The following ZNF385B variants were observed in gnomAD, a reference collection of about 807,000 sequenced individuals.
The protein encoded by ZNF385B is zinc finger protein 533.
ZNF385B carries 23 observed loss-of-function variants against 39.2 expected under a neutral mutation model. That is an observed-to-expected ratio of 0.59 (90% CI 0.42 to 0.83). The LOEUF (loss-of-function observed/expected upper bound fraction) is 0.83. Among genes scored for constraint, ZNF385B ranks in the 40% least tolerant of loss-of-function variants. The pLI is 0.00. For synonymous variants in ZNF385B, 205 were observed against 222.6 expected (o/e 0.92, Z 0.70); for missense variants, 552 against 598.9 (o/e 0.92, Z 0.82).
chr2:179,592,196 C>T lies in ZNF385B; in HGVS notation c.299-47227G>A, dbSNP rs563241415. Among the ~76,000 whole-genome samples, 7 of 152,268 alleles carry T rather than the reference C, an allele frequency of 4.6e-5. No individual in the cohort carries two copies. In the South Asian group the frequency reaches 1.4e-3, roughly 32 times the overall value. ...CCTTTACACTGTCTTCCAGAAAACACGTTGCTCTCTCAGCAGTGGTGCAGT... is the reference window on the plus strand; with the variant it reads ...CCTTTACACTGTCTTCCAGAAAACATGTTGCTCTCTCAGCAGTGGTGCAGT... On this transcript the variant is annotated intron_variant, in intron 3 of 9. Coordinates refer to ENST00000410066, the MANE Select transcript of ZNF385B (RefSeq NM_152520.6).
At chr2:179,708,677 G>A (rs1263850251) in intron 3 of ZNF385B, among the ~76,000 whole-genome samples, 1 of 152,230 alleles carries the variant, frequency 6.6e-6, no homozygotes, top group Non-Finnish European at 1.5e-5. Context: ...GAATTCAAGT[G>A]AGAGTTAGGA....
intron 3 of ZNF385B, among the ~76,000 whole-genome samples, chr2:179,734,330 C>T (rs1038033295): frequency 6.6e-6 from 1 of 152,078 alleles, no homozygotes; most frequent in Non-Finnish European, 1.5e-5. Context: ...AAGAGATACA[C>T]CTTTTAAGTT....
intron 1 of ZNF385B, among the ~76,000 whole-genome samples, chr2:179,822,560 G>A (rs993939786): frequency 6.6e-6 from 1 of 152,110 alleles, no homozygotes; most frequent in African/African-American, 2.4e-5. Context: ...CTAAGCTGTG[G>A]AGGACATTTG....
rs776658792 is a variant in ZNF385B at position 179,483,271 on chromosome 2, C to G, written c.715+1G>C. 6.2e-7 allele frequency: 1 copy of G among 1,613,778 alleles called. No homozygotes were observed. Among genetic ancestry groups the G allele is most frequent in the South Asian group, 1.1e-5 (1 of 91,074 alleles). ...TGTAAAGAACAAAAAGTGTCATTGA[C>G]CTGATTTGTCAGAGTTGTTGCCTGT... On this transcript the variant is annotated splice_donor_variant, in intron 6 of 9. Coordinates refer to ENST00000410066, the MANE Select transcript of ZNF385B (RefSeq NM_152520.6). LOFTEE classifies it high-confidence loss of function.
intron 3 of ZNF385B, among the ~76,000 whole-genome samples, chr2:179,718,414 C>T (rs1370068837): frequency 6.8e-6 from 1 of 147,276 alleles, no homozygotes; most frequent in Non-Finnish European, 1.5e-5. Context: ...CATTTATTAT[C>T]ATAAAGATAT....
At chr2:179,562,356 A>T (rs1465211185) in intron 3 of ZNF385B, 4 of 975,564 alleles carry the variant, frequency 4.1e-6, no homozygotes, top group Non-Finnish European at 4.9e-6. Context: ...TTTCATAAGA[A>T]AGTTCCTTAA....
chr2:179,457,942 G>A (rs113794443), intron 6 of ZNF385B, among the ~76,000 whole-genome samples: 2 of 152,328 alleles, frequency 1.3e-5, no homozygotes, highest in African/African-American at 4.8e-5. Context: ...AAATGATAGA[G>A]CATGGATTCA....
At chr2:179,732,815 G>A (rs955856850) in intron 3 of ZNF385B, among the ~76,000 whole-genome samples, 5 of 152,064 alleles carry the variant, frequency 3.3e-5, no homozygotes, top group African/African-American at 4.8e-5. Context: ...AAAACAACAC[G>A]GTGAGCTCAG....
chr2:179,471,277 T>C (rs886837298), intron 6 of ZNF385B, among the ~76,000 whole-genome samples: 1 of 152,128 alleles, frequency 6.6e-6, no homozygotes, highest in Non-Finnish European at 1.5e-5. Context: ...TGCCCCATGA[T>C]ACATACCTCA....
At chr2:179,454,795 A>G (rs893708467) in intron 6 of ZNF385B, among the ~76,000 whole-genome samples, 3 of 152,178 alleles carry the variant, frequency 2.0e-5, no homozygotes, top group African/African-American at 7.2e-5. Flanking sequence ...ATAAGAATAT[A>G]AAGAATTTTT....
At chr2:179,549,868 T>C (rs563322606) in intron 3 of ZNF385B, among the ~76,000 whole-genome samples, 6 of 148,798 alleles carry the variant, frequency 4.0e-5, no homozygotes, top group Admixed American at 1.3e-4. Context: ...GCCAAAAGTA[T>C]AGATTGAGAG....
chr2:179,742,490 A>C (rs958024454), intron 3 of ZNF385B, among the ~76,000 whole-genome samples: 8 of 152,092 alleles, frequency 5.3e-5, no homozygotes, highest in African/African-American at 1.9e-4. Flanking sequence ...TATATACTAA[A>C]ATATTATTTA....
At chr2:179,679,758 C>T (rs960704607) in intron 3 of ZNF385B, among the ~76,000 whole-genome samples, 1 of 152,086 alleles carries the variant, frequency 6.6e-6, no homozygotes, top group Non-Finnish European at 1.5e-5. Flanking sequence ...CCCAGTTATG[C>T]CTTCTAATGT....
intron 3 of ZNF385B, among the ~76,000 whole-genome samples, chr2:179,726,754 T>G (rs962112809): frequency 2.0e-5 from 3 of 152,076 alleles, no homozygotes; most frequent in East Asian, 3.8e-4. Context: ...GAGGAGGAGA[T>G]AATATAGTAC....
intron 3 of ZNF385B, among the ~76,000 whole-genome samples, chr2:179,691,814 T>C (rs922434950): frequency 2.0e-5 from 3 of 152,266 alleles, no homozygotes; most frequent in South Asian, 2.1e-4. Flanking sequence ...CAAGTTTAAC[T>C]GGGTATCTTA....
intron 3 of ZNF385B, among the ~76,000 whole-genome samples, chr2:179,763,255 A>G (rs1407998832): frequency 3.9e-5 from 6 of 152,160 alleles, no homozygotes; most frequent in African/African-American, 1.4e-4. Flanking sequence ...TGGTTTCTGA[A>G]GGACTGGTTC....
intron 3 of ZNF385B, among the ~76,000 whole-genome samples, chr2:179,726,033 C>A (rs1417634626): frequency 6.6e-6 from 1 of 151,716 alleles, no homozygotes; most frequent in East Asian, 1.9e-4. Flanking sequence ...ATCTTAGAGT[C>A]ATAGCTTCTG....
rs545137980 is a variant in ZNF385B, at chr2:179,508,338, T to C, written c.552+10190A>G. Among the ~76,000 whole-genome samples the C allele has an allele frequency of 1.8e-4, 28 of 152,300 alleles. 1 individual carries two copies. The South Asian group carries it at 5.4e-3, about 29-fold the overall frequency. ...GCTGAAGAATCCCAAACCACAAATA[T>C]ATAATGAAACATCTTATTGTTAAGG... is the stretch of plus-strand genomic sequence containing the variant. On this transcript the variant is annotated intron_variant, in intron 5 of 9. Transcript: ENST00000410066.
At chr2:179,848,232 G>C (rs963631380) in intron 1 of ZNF385B, among the ~76,000 whole-genome samples, 1 of 152,280 alleles carries the variant, frequency 6.6e-6, no homozygotes, top group Non-Finnish European at 1.5e-5. Context: ...CAGAGGTACA[G>C]GTTTACTCAG....
Sources: gnomAD v4.1 joint callset for allele counts (sites outside exome capture counted in the v4.1 genomes callset) on GRCh38, gnomAD v4.1.1 for gene constraint, MANE v1.5 for transcripts, NCBI Gene and HGNC (gene_info 2026-07-23, HGNC 2026-07-21) for gene names.